Variants in C17orf99 observed in about 807,000 individuals in gnomAD.
C17orf99 encodes chromosome 17 open reading frame 99.
Under a neutral mutation model 22.6 loss-of-function variants are expected in C17orf99, and 18 were observed. That is an observed-to-expected ratio of 0.80 (90% CI 0.55 to 1.18). The LOEUF (loss-of-function observed/expected upper bound fraction) is 1.18, where lower values mean the gene tolerates loss of function less well. Among genes scored for constraint, C17orf99 ranks in the 50% most tolerant of loss-of-function variants. The probability of loss-of-function intolerance (pLI) is 0.00; values close to 1 mark genes in which losing one functional copy is unlikely to be tolerated. For missense variants in C17orf99, 328 were observed against 342.7 expected (o/e 0.96, Z 0.34); for synonymous variants, 147 against 136.6 (o/e 1.08, Z -0.53).
upstream of C17orf99, chr17:78,146,294 TA>T: frequency 3.2e-6 from 3 of 929,168 alleles, no homozygotes; most frequent in Non-Finnish European, 4.8e-6. The surrounding 1 kb of genome is among the most constrained non-coding windows in gnomAD (Gnocchi z 5.2). Flanking sequence ...GCCTCCAGGT[TA>T]TCTCCCCACT....
chr17:78,151,245 G>A (rs1002297803), intron 2 of C17orf99, among the ~76,000 whole-genome samples: 1 of 150,904 alleles, frequency 6.6e-6, no homozygotes, highest in Non-Finnish European at 1.5e-5. Flanking sequence ...GCCAACATGC[G>A]GAAACCCTGT....
chr17:78,160,396 C>T (rs1244743057), intron 2 of C17orf99, among the ~76,000 whole-genome samples: 2 of 151,962 alleles, frequency 1.3e-5, no homozygotes, highest in South Asian at 2.1e-4. Flanking sequence ...ATTAGCCAGG[C>T]GTGGTGGCAC....
chr17:78,155,334 C>T (rs559807508), intron 2 of C17orf99, among the ~76,000 whole-genome samples: 1 of 152,200 alleles, frequency 6.6e-6, no homozygotes, highest in East Asian at 1.9e-4. Context: ...TCAGCAGTTT[C>T]CTCATTGCAG....
chr17:78,152,177 T>C (rs1598942863), intron 2 of C17orf99, among the ~76,000 whole-genome samples: 4 of 152,082 alleles, frequency 2.6e-5, no homozygotes, highest in Admixed American at 2.6e-4. Context: ...TATTTATTTA[T>C]TTATTTACTT....
chr17:78,152,571 G>A (rs1440568450), intron 2 of C17orf99, among the ~76,000 whole-genome samples: 3 of 151,636 alleles, frequency 2.0e-5, no homozygotes, highest in Non-Finnish European at 4.4e-5. Context: ...CTGAGTTCAA[G>A]TGATTCACCC....
chr17:78,158,171 G>A (rs927185838), intron 2 of C17orf99: 51 of 752,792 alleles, frequency 6.8e-5, no homozygotes, highest in South Asian at 4.7e-4. Flanking sequence ...TGCCATGACC[G>A]AGGAGGCAGC....
chr17:78,160,918 G>T, intron 2 of C17orf99, 37 bp from the exon 3 acceptor site: 1 of 1,512,840 alleles, frequency 6.6e-7, no homozygotes, highest in Non-Finnish European at 8.9e-7. Flanking sequence ...ATCAATGTCG[G>T]TTTCTTTCTT....
chr17:78,152,753 G>T lies in C17orf99; in HGVS notation c.70+5842G>T, dbSNP rs187988410. Among the ~76,000 whole-genome samples, 7 of 151,496 alleles carry T rather than the reference G, an allele frequency of 4.6e-5. No individual in the cohort carries two copies. The East Asian group carries it at 9.8e-4, about 21-fold the overall frequency. ...CTCCAAAAGCTCTGGGATTATAGGA[G>T]TGAGCCACCACACCCAGACAAGCAG... On this transcript the variant is annotated intron_variant, in intron 2 of 4. Coordinates refer to ENST00000340363, the MANE Select transcript of C17orf99 (RefSeq NM_001163075.2).
intron 2 of C17orf99, among the ~76,000 whole-genome samples, chr17:78,154,032 T>C (rs781587255): frequency 2.0e-5 from 3 of 150,040 alleles, no homozygotes; most frequent in African/African-American, 7.4e-5. Flanking sequence ...TTCAAGTGAT[T>C]CTCATGCCTC....
Position 78,164,272 on chromosome 17 carries a change from C to G in C17orf99, c.548C>G (p.Ser183Cys). Residue 183 changes from serine to cysteine, a missense_variant, in exon 4 of 5, where the codon TCC (serine) becomes TGC (cysteine). Coordinates refer to ENST00000340363, the MANE Select transcript of C17orf99 (RefSeq NM_001163075.2). ...TGCCACAGGCAGCCTGCCAACTTCT[C>G]CTTCCTGCCGAGCCAGACATCGGAC... ...RPCHRQPANF[S>C]FLPSQTSDWF... The G allele has an allele frequency of 6.4e-7, 1 of 1,551,526 alleles. No homozygotes were observed.
intron 3 of C17orf99, 125 bp from the exon 4 acceptor site, chr17:78,163,970 C>T (rs1002825134): frequency 1.9e-5 from 15 of 799,598 alleles, no homozygotes; most frequent in Non-Finnish European, 2.5e-5. Flanking sequence ...CTCTAGAAGG[C>T]GGCCTGGAGG....
intron 2 of C17orf99, among the ~76,000 whole-genome samples, chr17:78,149,313 CAGAG>C (rs1309248587): frequency 1.8e-5 from 2 of 110,814 alleles, no homozygotes; most frequent in Admixed American, 1.2e-4. Context: ...GCCTGGGCAA[CAGAG>C]AGAGACTCTG....
At chr17:78,153,727 C>T (rs1203341725) in intron 2 of C17orf99, among the ~76,000 whole-genome samples, 1 of 152,064 alleles carries the variant, frequency 6.6e-6, no homozygotes, top group East Asian at 1.9e-4. Context: ...GCTTCTGGCC[C>T]CTGCGATAGT....
At chr17:78,163,133 C>T (rs1269928881) in intron 3 of C17orf99, among the ~76,000 whole-genome samples, 2 of 152,168 alleles carry the variant, frequency 1.3e-5, no homozygotes, top group Non-Finnish European at 1.5e-5. Flanking sequence ...GCATGCCTGT[C>T]GTCCCAGCTA....
chr17:78,161,461 G>C (rs2075576144), intron 3 of C17orf99, among the ~76,000 whole-genome samples: 1 of 152,128 alleles, frequency 6.6e-6, no homozygotes, highest in African/African-American at 2.4e-5. Context: ...GGGGCCCTGA[G>C]GGCACAGTCT....
rs978912322 is a variant in C17orf99 at position 78,156,257 on chromosome 17, G to A, written c.71-4698G>A. Among the ~76,000 whole-genome samples, 4 of 149,452 alleles carry A rather than the reference G, an allele frequency of 2.7e-5. No homozygotes were observed. The East Asian group carries it at 8.0e-4, about 30-fold the overall frequency. On this transcript the variant is annotated intron_variant, in intron 2 of 4. Transcript: ENST00000340363. ...AGGCAGGAGAATCACTTGAACCCGG[G>A]AGGCGGAGGTTGTAGTGAGCCAAGA...
chr17:78,163,990 C>T lies in C17orf99; in HGVS notation c.371-105C>T, dbSNP rs1180357431. On this transcript the variant is annotated intron_variant, in intron 3 of 4. Coordinates refer to ENST00000340363, the MANE Select transcript of C17orf99 (RefSeq NM_001163075.2). ...GAAGGCGGCCTGGAGGAGGCGGCAG[C>T]CACAGCTAAGCTCATTAGGCATTTT... The T allele has an allele frequency of 8.7e-6, 9 of 1,030,140 alleles. No homozygotes were observed. The African/African-American group carries it at 9.6e-5, about 11-fold the overall frequency. The allele number at this position is 1,030,140 out of a possible 1,614,324, so 63.8% of individuals were successfully genotyped here.
At chr17:78,159,142 A>C (rs2075552560) in intron 2 of C17orf99, 1 of 153,162 alleles carries the variant, frequency 6.5e-6, no homozygotes, top group Non-Finnish European at 1.5e-5. Flanking sequence ...ATGATTTAAA[A>C]AAAAAAGGAA....
At chr17:78,157,872 T>G in intron 2 of C17orf99, 2 of 1,126,632 alleles carry the variant, frequency 1.8e-6, no homozygotes, top group Non-Finnish European at 2.6e-6. Context: ...ATCGTCGAGA[T>G]GTCTACTTCG....
Sources: allele counts gnomAD v4.1 joint callset (sites outside exome capture counted in the v4.1 genomes callset), GRCh38; gene constraint gnomAD v4.1.1; non-coding constraint Gnocchi (gnomAD v3.1); transcripts MANE v1.5; gene names NCBI Gene and HGNC (gene_info 2026-07-23, HGNC 2026-07-21).